The following CLTCL1 variants were observed in gnomAD, a reference collection of about 807,000 sequenced individuals.
CLTCL1 encodes clathrin heavy chain 2.
Under a neutral mutation model 190.0 loss-of-function variants are expected in CLTCL1, and 159 were observed. That is an observed-to-expected ratio of 0.84 (90% CI 0.74 to 0.95). CLTCL1 has a LOEUF of 0.95. Ranked by LOEUF, CLTCL1 falls within the 40% of genes least tolerant of loss-of-function variation. The pLI, the probability that CLTCL1 is intolerant of heterozygous loss-of-function variation, is 0.00. For missense variants in CLTCL1, 1,878 were observed against 2,033.4 expected (o/e 0.92, Z 1.47); for synonymous variants, 752 against 769.6 (o/e 0.98, Z 0.38).
At position 19,233,459 on chromosome 22, in the gene CLTCL1, C is replaced by T. The variant is rs782128615; in HGVS notation, c.1331G>A (p.Arg444His). The T allele has an allele frequency of 3.1e-5, 50 of 1,613,614 alleles. No individual in the cohort carries two copies. In the East Asian group the frequency reaches 4.0e-4, roughly 13 times the overall value. The change falls in exon 8 of 33, where the codon CGT becomes CAT. Residue 444 changes from arginine to histidine, a missense_variant. Coordinates refer to ENST00000427926, the MANE Select transcript of CLTCL1 (RefSeq NM_007098.4). ...CAGCCACTTCTCTAGGAGTTGCTTA[C>T]GCCCCTGCTGAAGAACCAGATGGCA... is the stretch of plus-strand genomic sequence containing the variant. ...ELCHLVLQQG[R>H]KQLLEKWLKE... is the part of the protein sequence containing the mutation.
At position 19,198,935 on chromosome 22, in the gene CLTCL1, T is replaced by G. The variant is rs1300898893; in HGVS notation, c.3873+799A>C. Among the ~76,000 whole-genome samples the G allele has an allele frequency of 6.6e-6, 1 of 152,162 alleles. No homozygotes were observed. The highest frequency in any genetic ancestry group is 2.4e-5 in the African/African-American group (1 of 41,444). On this transcript the variant is annotated intron_variant, in intron 24 of 32. Transcript: ENST00000427926. This position sits in a 1 kb window ranked among gnomAD's most constrained non-coding sequence, Gnocchi z 4.1. ...CTGTACTGCTTGATCACCCTCCCTGTTGGCTTTCCAGTTCATTTCTCAGGC... is the reference window on the plus strand; with the variant it reads ...CTGTACTGCTTGATCACCCTCCCTGGTGGCTTTCCAGTTCATTTCTCAGGC...
intron 16 of CLTCL1, 136 bp downstream of exon 16, chr22:19,221,815 G>T: frequency 9.4e-7 from 1 of 1,063,432 alleles, no homozygotes. Context: ...AGTACCAATA[G>T]CAAGTAACTC....
In CLTCL1 at chr22:19,220,051, C is replaced by A. The variant is rs201432044; in HGVS notation, c.2797-44G>T. On this transcript the variant is annotated intron_variant, in intron 17 of 32. Coordinates refer to ENST00000427926, the MANE Select transcript of CLTCL1 (RefSeq NM_007098.4). ...TGTGTGTGACACAGCAGCCAACCAG[C>A]GGAAGCTGCTTGGGAGGACACACCC... 2.9e-5 allele frequency: 46 copies of A among 1,612,070 alleles called. No homozygotes were observed. In the African/African-American group the frequency reaches 4.8e-4, roughly 17 times the overall value.
chr22:19,225,777 C>T (rs994926380), intron 12 of CLTCL1, 144 bp from the exon 13 acceptor site: 5 of 751,510 alleles, frequency 6.7e-6, no homozygotes, highest in Non-Finnish European at 1.0e-5. Context: ...AAGCAACTAT[C>T]CATCACGGGA....
chr22:19,271,152 T>C lies in CLTCL1; in HGVS notation c.250+4471A>G, dbSNP rs1481744018. Among the ~76,000 whole-genome samples the C allele has an allele frequency of 3.5e-4, 53 of 152,126 alleles. 2 individuals are homozygous for C. The highest frequency in any genetic ancestry group is 2.4e-5 in the African/African-American group (1 of 41,430). ...ATACTAGATTAGCCTATACTCCATC[T>C]ACTTCTAAAAATTAAGAGAAAAAAG... is the stretch of plus-strand genomic sequence containing the variant. On this transcript the variant is annotated intron_variant, in intron 2 of 32. Transcript: ENST00000427926.
intron 28 of CLTCL1, 93 bp downstream of exon 28, chr22:19,187,888 C>G: frequency 7.2e-7 from 1 of 1,394,824 alleles, no homozygotes; most frequent in Non-Finnish European, 1.0e-6. Flanking sequence ...TGCACACCCT[C>G]CTGTGCAAAG....
intron 18 of CLTCL1, among the ~76,000 whole-genome samples, chr22:19,217,853 GAAAAA>G (rs535821018): frequency 2.5e-5 from 2 of 81,398 alleles, no homozygotes; most frequent in Admixed American, 1.3e-4. Context: ...CTCAAAAAGA[GAAAAA>G]AAAAAAAAAA....
chr22:19,205,268 G>C (rs1555942133), intron 22 of CLTCL1, among the ~76,000 whole-genome samples: 1 of 152,184 alleles, frequency 6.6e-6, no homozygotes, highest in African/African-American at 2.4e-5. Context: ...CCAGCACTTT[G>C]GGAGGCTGAG....
intron 1 of CLTCL1, among the ~76,000 whole-genome samples, chr22:19,281,970 T>C (rs1252425597): frequency 6.6e-6 from 1 of 152,160 alleles, no homozygotes; most frequent in Non-Finnish European, 1.5e-5. Flanking sequence ...AGATAAAGAC[T>C]ATTAGAATCA....
In CLTCL1 at chr22:19,233,501, A is replaced by G. The variant is rs781836065; in HGVS notation, c.1289T>C (p.Leu430Pro). Residue 430 changes from leucine (L) to proline (P), a missense_variant, in exon 8 of 33, where the codon CTT (leucine) becomes CCT (proline). Physicochemically the swap from Leu to Pro is moderately conservative, Grantham distance 98. Coordinates refer to ENST00000427926, the MANE Select transcript of CLTCL1 (RefSeq NM_007098.4). ...ILLDQGQLNK[L>P]ESLELCHLVL... ...CAGATGGCAAAGTTCTAAGGATTCA[A>G]GTTTATTGAGCTGACCCTGGTCGAG... 1.9e-6 allele frequency: 3 copies of G among 1,613,856 alleles called. No individual in the cohort carries two copies. The highest frequency in any genetic ancestry group is 2.5e-6 in the Non-Finnish European group (3 of 1,179,896).
At chr22:19,184,389 C>A in intron 29 of CLTCL1, 1 of 443,012 alleles carries the variant, frequency 2.3e-6, no homozygotes. Context: ...TCGCCTGCAG[C>A]ACACACCTCT....
chr22:19,285,171 A>T (rs1290011162), intron 1 of CLTCL1, among the ~76,000 whole-genome samples: 2 of 150,186 alleles, frequency 1.3e-5, no homozygotes, highest in Non-Finnish European at 3.0e-5. Context: ...GCTACTCGGG[A>T]GGCTGAGGCA....
At chr22:19,239,470 G>T in intron 4 of CLTCL1, 82 bp from the exon 5 acceptor site, 1 of 957,508 alleles carries the variant, frequency 1.0e-6, no homozygotes, top group Non-Finnish European at 1.7e-6. Context: ...GGCAAGTGGA[G>T]CCTCAGCTCC....
At chr22:19,251,669 G>A (rs977568514) in intron 3 of CLTCL1, among the ~76,000 whole-genome samples, 1 of 152,044 alleles carries the variant, frequency 6.6e-6, no homozygotes, top group Non-Finnish European at 1.5e-5. Flanking sequence ...TGTTAGCCAG[G>A]ATGGTCTCAA....
chr22:19,189,148 AC>A lies in CLTCL1; in HGVS notation c.4324-1058del, dbSNP rs1278077632. 1.1e-4 allele frequency among the ~76,000 whole-genome samples: 17 copies of A among 151,836 alleles called. No individual in the cohort carries two copies. In the East Asian group the frequency reaches 2.9e-3, roughly 26 times the overall value. On this transcript the variant is annotated intron_variant, in intron 27 of 32. Transcript: ENST00000427926. ...TCGACCTCCTGACCTCATGATCCACACGCCTTGGCCTCCCAAAGTGCTGGGA... is the reference window on the plus strand; with the variant it reads ...TCGACCTCCTGACCTCATGATCCACAGCCTTGGCCTCCCAAAGTGCTGGGA...
At chr22:19,243,003 A>G in intron 3 of CLTCL1, 67 bp from the exon 4 acceptor site, 1 of 1,426,062 alleles carries the variant, frequency 7.0e-7, no homozygotes, top group Non-Finnish European at 9.5e-7. Flanking sequence ...AATTCTTAAA[A>G]TATATTTCTA....
At chr22:19,226,895 GC>G (rs2085764046) in intron 11 of CLTCL1, among the ~76,000 whole-genome samples, 1 of 151,586 alleles carries the variant, frequency 6.6e-6, no homozygotes. Context: ...ACACCAACAT[GC>G]CTGGCTTATT....
In CLTCL1 at chr22:19,191,346, T is replaced by G. The variant is rs1555931881; in HGVS notation, c.4281A>C (p.Ser1427=). 6.2e-7 allele frequency: 1 copy of G among 1,613,924 alleles called. No homozygotes were observed. Among genetic ancestry groups the G allele is most frequent in the South Asian group, 1.1e-5 (1 of 91,076 alleles). ...CTGTCCAGGTGTGGTCCAGCCGGGG[T>G]GAAAGCACCAGCAGCAGGTCATTGA... is the stretch of plus-strand genomic sequence containing the variant. ...LLINDLLLVL[S]PRLDHTWTVS... Residue 1427 remains serine, a synonymous_variant, in exon 27 of 33, where the codon TCA becomes TCC. Transcript: ENST00000427926.
At chr22:19,239,733 T>C (rs2086191010) in intron 4 of CLTCL1, among the ~76,000 whole-genome samples, 1 of 152,174 alleles carries the variant, frequency 6.6e-6, no homozygotes, top group African/African-American at 2.4e-5. Flanking sequence ...TCTGCCTTTC[T>C]GGGTATGGCC....
Sources: allele counts gnomAD v4.1 joint callset (sites outside exome capture counted in the v4.1 genomes callset), GRCh38; gene constraint gnomAD v4.1.1; non-coding constraint Gnocchi (gnomAD v3.1); transcripts MANE v1.5; gene names NCBI Gene and HGNC (gene_info 2026-07-23, HGNC 2026-07-21).